The following SORCS3 variants were observed in gnomAD, a reference collection of about 807,000 sequenced individuals.
The protein encoded by SORCS3 is VPS10 domain-containing receptor SorCS3.
In SORCS3, 57 loss-of-function variants were observed where a neutral mutation model predicts 146.3. The observed-to-expected ratio is 0.39, with a 90% CI of 0.31 to 0.49. The LOEUF (loss-of-function observed/expected upper bound fraction) is 0.49, where lower values mean the gene tolerates loss of function less well. SORCS3 is among the 20% of genes least tolerant of loss of function. SORCS3 has a pLI of 0.92. For missense variants in SORCS3, 1,341 were observed against 1,575.5 expected, an observed-to-expected ratio of 0.85 and a Z score of 2.52; for synonymous variants, 653 against 618.5, an observed-to-expected ratio of 1.06 and a Z score of -0.83.
intron 3 of SORCS3, among the ~76,000 whole-genome samples, chr10:104,919,829 G>A (rs1029655370): frequency 6.6e-6 from 1 of 152,118 alleles, no homozygotes. Context: ...TCTTGATGTT[G>A]ACAGTGCACA....
At chr10:104,802,206 A>G (rs537888357) in intron 1 of SORCS3, among the ~76,000 whole-genome samples, 9 of 152,324 alleles carry the variant, frequency 5.9e-5, no homozygotes, top group Admixed American at 2.0e-4. Flanking sequence ...TCTGAAGCCA[A>G]GAGATGGGGA....
At chr10:105,081,010 G>A (rs1299691599) in intron 5 of SORCS3, among the ~76,000 whole-genome samples, 1 of 152,096 alleles carries the variant, frequency 6.6e-6, no homozygotes, top group Non-Finnish European at 1.5e-5. Context: ...ATGAGGTAAT[G>A]GATATGTTAA....
chr10:105,172,966 T>C (rs1564774974), intron 13 of SORCS3, among the ~76,000 whole-genome samples: 1 of 152,188 alleles, frequency 6.6e-6, no homozygotes, highest in Non-Finnish European at 1.5e-5. Context: ...TTGGTGTTTT[T>C]GTTTTTTTTG....
At chr10:104,943,640 C>G (rs947378329) in intron 3 of SORCS3, among the ~76,000 whole-genome samples, 1 of 152,054 alleles carries the variant, frequency 6.6e-6, no homozygotes, top group African/African-American at 2.4e-5. Flanking sequence ...CTTATTTCCC[C>G]CCACTCTCAT....
chr10:104,867,090 G>A (rs1439111309), intron 2 of SORCS3, among the ~76,000 whole-genome samples: 2 of 152,088 alleles, frequency 1.3e-5, no homozygotes, highest in African/African-American at 4.8e-5. Flanking sequence ...CTCGTGGAGT[G>A]GACAGACTAA....
chr10:104,858,669 T>C (rs1318734827), intron 2 of SORCS3, among the ~76,000 whole-genome samples: 1 of 151,318 alleles, frequency 6.6e-6, no homozygotes, highest in East Asian at 1.9e-4. Context: ...TCGCCCAGGC[T>C]GGAGTGCAAT....
chr10:105,189,120 C>T (rs753619638), intron 14 of SORCS3, among the ~76,000 whole-genome samples: 1 of 152,192 alleles, frequency 6.6e-6, no homozygotes, highest in African/African-American at 2.4e-5. Flanking sequence ...GAGAATTTCT[C>T]TTCTTCCCTC....
intron 4 of SORCS3, among the ~76,000 whole-genome samples, chr10:105,036,496 C>T (rs1375007272): frequency 2.6e-5 from 4 of 152,172 alleles, no homozygotes; most frequent in Middle Eastern, 3.2e-3. Context: ...CAGTGGCTCA[C>T]ACCTGTAAAC....
chr10:105,076,564 C>A (rs1417234779), intron 5 of SORCS3, among the ~76,000 whole-genome samples: 2 of 152,180 alleles, frequency 1.3e-5, no homozygotes, highest in Admixed American at 1.3e-4. Flanking sequence ...ACAGGCAGCC[C>A]TCGGGAAGTA....
At chr10:105,127,725 G>T (rs2055986146) in intron 7 of SORCS3, among the ~76,000 whole-genome samples, 1 of 152,114 alleles carries the variant, frequency 6.6e-6, no homozygotes, top group Admixed American at 6.5e-5. Context: ...CCTCTAATTT[G>T]GAACAACAGC....
At chr10:104,986,921 C>T (rs1249555148) in intron 4 of SORCS3, among the ~76,000 whole-genome samples, 2 of 151,962 alleles carry the variant, frequency 1.3e-5, no homozygotes, top group Non-Finnish European at 2.9e-5. Context: ...GTGAGAATTC[C>T]AAAAATATGG....
At chr10:105,032,886 A>G (rs773615571) in intron 4 of SORCS3, among the ~76,000 whole-genome samples, 3 of 152,166 alleles carry the variant, frequency 2.0e-5, no homozygotes, top group Non-Finnish European at 2.9e-5. Context: ...AGAAAGAGAA[A>G]ACATAGGTAG....
chr10:105,005,763 A>C (rs2055091440), intron 4 of SORCS3, among the ~76,000 whole-genome samples: 1 of 152,034 alleles, frequency 6.6e-6, no homozygotes, highest in Admixed American at 6.6e-5. Flanking sequence ...CAGTTATACC[A>C]CTTATTTGTC....
rs750366768 is a variant in SORCS3, at chr10:105,214,392, A to G, written c.2376-50A>G. 2.0e-5 allele frequency: 32 copies of G among 1,603,768 alleles called. No individual in the cohort carries two copies. The Admixed American group carries it at 2.0e-4, about 10-fold the overall frequency. On this transcript the variant is annotated intron_variant, in intron 17 of 26. Coordinates refer to ENST00000369701, the MANE Select transcript of SORCS3 (RefSeq NM_014978.3). ...CACACACACACACACATACAACAGCAACAACAACACAATCAACACAAACCA... is the reference window on the plus strand; with the variant it reads ...CACACACACACACACATACAACAGCGACAACAACACAATCAACACAAACCA...
intron 2 of SORCS3, among the ~76,000 whole-genome samples, chr10:104,913,592 A>T (rs1335913501): frequency 6.6e-6 from 1 of 152,170 alleles, no homozygotes; most frequent in East Asian, 1.9e-4. Flanking sequence ...CTGAGTGTGC[A>T]TAATGTGTAA....
intron 2 of SORCS3, among the ~76,000 whole-genome samples, chr10:104,878,129 A>G (rs1195183736): frequency 2.0e-5 from 3 of 152,076 alleles, no homozygotes; most frequent in Non-Finnish European, 4.4e-5. Context: ...GAATGTAACC[A>G]TAGAGATTTT....
chr10:105,178,923 G>A (rs538915848), intron 14 of SORCS3, among the ~76,000 whole-genome samples: 10 of 152,270 alleles, frequency 6.6e-5, no homozygotes, highest in African/African-American at 2.2e-4. Context: ...GGCTCACAGC[G>A]TGCATCTGTG....
intron 4 of SORCS3, among the ~76,000 whole-genome samples, chr10:105,019,623 A>G (rs1291268721): frequency 6.6e-6 from 1 of 152,082 alleles, no homozygotes; most frequent in African/African-American, 2.4e-5. Context: ...TCTTCCTTTC[A>G]TCTAATCAAT....
At chr10:105,250,325 A>T (rs2056891431) in intron 22 of SORCS3, among the ~76,000 whole-genome samples, 1 of 152,164 alleles carries the variant, frequency 6.6e-6, no homozygotes. Flanking sequence ...CTTTGGTTGC[A>T]AGGCATCCAG....
Sources: gnomAD v4.1 joint callset for allele counts (sites outside exome capture counted in the v4.1 genomes callset) on GRCh38, gnomAD v4.1.1 for gene constraint, MANE v1.5 for transcripts, NCBI Gene and HGNC (gene_info 2026-07-23, HGNC 2026-07-21) for gene names.